Variants in ABLIM1 observed in about 807,000 individuals in gnomAD.
The protein encoded by ABLIM1 is actin binding LIM protein 1.
Under a neutral mutation model 107.0 loss-of-function variants are expected in ABLIM1, and 40 were observed. The ratio of observed to expected loss-of-function variants is 0.37; its 90% CI spans 0.29 to 0.49. ABLIM1 has a LOEUF of 0.49. Ranked by LOEUF, ABLIM1 falls within the 20% of genes least tolerant of loss-of-function variation. ABLIM1 has a pLI of 0.97. For missense variants in ABLIM1, 857 were observed against 1,008.5 expected, an observed-to-expected ratio of 0.85 and a Z score of 2.04; for synonymous variants, 357 against 357.3, an observed-to-expected ratio of 1.00 and a Z score of 0.01.
intron 2 of ABLIM1, among the ~76,000 whole-genome samples, chr10:114,601,069 C>T (rs1591515588): frequency 1.6e-5 from 1 of 63,850 alleles, no homozygotes; most frequent in East Asian, 2.4e-4. Context: ...CACACACACA[C>T]ACACACACAC....
At chr10:114,551,924 C>T (rs1447705389) in intron 4 of ABLIM1, among the ~76,000 whole-genome samples, 1 of 152,130 alleles carries the variant, frequency 6.6e-6, no homozygotes, top group East Asian at 1.9e-4. Flanking sequence ...GACAGCCACT[C>T]TACATGTTTT....
In ABLIM1 at chr10:114,524,678, A is replaced by T. The variant is rs1472229789; in HGVS notation, c.894+20327T>A. On this transcript the variant is annotated intron_variant, in intron 6 of 22. Coordinates refer to ENST00000533213, the MANE Select transcript of ABLIM1 (RefSeq NM_002313.7). ...TGGATCACTGTATAAGCTTCTTTTT[A>T]AAAAAAGACAAAATAGTATATCCCC... is the stretch of plus-strand genomic sequence containing the variant. 9.2e-5 allele frequency among the ~76,000 whole-genome samples: 14 copies of T among 152,214 alleles called. No individual in the cohort carries two copies. The East Asian group carries it at 9.6e-4, about 10-fold the overall frequency.
At chr10:114,653,674 G>A (rs894185634) in intron 1 of ABLIM1, among the ~76,000 whole-genome samples, 2 of 152,174 alleles carry the variant, frequency 1.3e-5, no homozygotes, top group African/African-American at 2.4e-5. Context: ...TGTTTCGTAC[G>A]TTTACTGATC....
rs148201354 is a variant in ABLIM1, at chr10:114,683,490, G to A, written c.64+800C>T. Among the ~76,000 whole-genome samples, 4 of 152,246 alleles carry A rather than the reference G, an allele frequency of 2.6e-5. No individual in the cohort carries two copies. The East Asian group carries it at 7.7e-4, about 29-fold the overall frequency. ...AAGTGTATACATGTGAAGTGTAGCA[G>A]ACCCGGCTCCCCAGTCCTACCAGTC... On this transcript the variant is annotated intron_variant, in intron 1 of 23. Coordinates refer to the ABLIM1 transcript ENST00000369256.
intron 6 of ABLIM1, among the ~76,000 whole-genome samples, chr10:114,527,826 G>A (rs999889854): frequency 7.1e-6 from 1 of 140,818 alleles, no homozygotes; most frequent in Admixed American, 7.5e-5. Flanking sequence ...CACCATGCCT[G>A]GCTAATTTTT....
At chr10:114,642,579 T>A (rs367827106) in intron 1 of ABLIM1, among the ~76,000 whole-genome samples, 2 of 152,156 alleles carry the variant, frequency 1.3e-5, no homozygotes, top group African/African-American at 2.4e-5. Context: ...AAGATTTTTT[T>A]AAATGTATAT....
At chr10:114,653,915 T>C (rs1015111338) in intron 1 of ABLIM1, among the ~76,000 whole-genome samples, 10 of 152,210 alleles carry the variant, frequency 6.6e-5, no homozygotes, top group African/African-American at 2.4e-4. Flanking sequence ...GTTTTGAGCT[T>C]TACAAAGGAC....
intron 4 of ABLIM1, among the ~76,000 whole-genome samples, chr10:114,556,873 A>T (rs931236287): frequency 6.6e-6 from 1 of 152,238 alleles, no homozygotes; most frequent in Non-Finnish European, 1.5e-5. Flanking sequence ...CATGGCAAAC[A>T]CCATGCGTAT....
intron 1 of ABLIM1, among the ~76,000 whole-genome samples, chr10:114,649,106 G>A (rs17719358): frequency 0.36 from 54,321 of 151,828 alleles, 10,015 homozygotes; most frequent in Non-Finnish European, 0.42. Context: ...TCCTACAAAA[G>A]TAAGGTGTTG....
rs2081456364 is a variant in ABLIM1 at position 114,707,862 on chromosome 10, T to C, written c.-213+60199A>G. On this transcript the variant is annotated intron_variant, in intron 1 of 15. Coordinates refer to the ABLIM1 transcript ENST00000651092. This position sits in a 1 kb window ranked among gnomAD's most constrained non-coding sequence, Gnocchi z 4.1. ...GTTGCAGTGAGCGGAGATTGCACCATTGCACTCTAGCCTGGGCGACAAGAG... is the reference window on the plus strand; with the variant it reads ...GTTGCAGTGAGCGGAGATTGCACCACTGCACTCTAGCCTGGGCGACAAGAG... Among the ~76,000 whole-genome samples the C allele has an allele frequency of 6.6e-6, 1 of 151,964 alleles. No individual in the cohort carries two copies. Among genetic ancestry groups the C allele is most frequent in the South Asian group, 2.1e-4 (1 of 4,806 alleles).
chr10:114,673,610 G>A (rs1388918288), intron 1 of ABLIM1, among the ~76,000 whole-genome samples: 3 of 152,162 alleles, frequency 2.0e-5, no homozygotes. Context: ...CCAGGCCTCC[G>A]CTTCAGTGTC....
At chr10:114,654,437 G>A (rs1190928367) in intron 1 of ABLIM1, among the ~76,000 whole-genome samples, 9 of 152,068 alleles carry the variant, frequency 5.9e-5, no homozygotes, top group Admixed American at 4.6e-4. Flanking sequence ...CAAACACTTT[G>A]ATATGCACGT....
chr10:114,436,460 A>G, intron 22 of ABLIM1, 87 bp from the exon 23 acceptor site: 1 of 982,516 alleles, frequency 1.0e-6, no homozygotes. Flanking sequence ...GTTTATACAG[A>G]GTCATTCTGA....
At chr10:114,753,118 C>CT (rs2082553913) in intron 1 of ABLIM1, among the ~76,000 whole-genome samples, 2 of 152,130 alleles carry the variant, frequency 1.3e-5, no homozygotes, top group Non-Finnish European at 2.9e-5. Flanking sequence ...AGTCAATATT[C>CT]TTTTTTCTCT....
intron 4 of ABLIM1, among the ~76,000 whole-genome samples, chr10:114,552,895 A>G (rs573309087): frequency 2.0e-5 from 3 of 152,284 alleles, no homozygotes; most frequent in Non-Finnish European, 4.4e-5. Flanking sequence ...CTTGGTTAGG[A>G]GCAGAGTTAG....
At chr10:114,617,854 T>C (rs921537881) in intron 1 of ABLIM1, among the ~76,000 whole-genome samples, 6 of 152,178 alleles carry the variant, frequency 3.9e-5, no homozygotes, top group Admixed American at 2.0e-4. Flanking sequence ...GTGGCTCACA[T>C]GTGTAATCCC....
chr10:114,669,364 C>G (rs2080158001), intron 1 of ABLIM1, among the ~76,000 whole-genome samples: 1 of 152,164 alleles, frequency 6.6e-6, no homozygotes. Context: ...TCCAGCCATC[C>G]TTGGATACCA....
chr10:114,535,413 C>T (rs374598802), intron 6 of ABLIM1, among the ~76,000 whole-genome samples: 179 of 152,210 alleles, frequency 1.2e-3, no homozygotes, highest in African/African-American at 3.9e-3. Flanking sequence ...CAGGTTCAAG[C>T]GATCCTCCTG....
At chr10:114,592,958 G>A (rs1256869369) in intron 2 of ABLIM1, among the ~76,000 whole-genome samples, 1 of 151,878 alleles carries the variant, frequency 6.6e-6, no homozygotes, top group African/African-American at 2.4e-5. Flanking sequence ...AGTCTGGAAT[G>A]CAGAGAAGTA....
Sources: allele counts gnomAD v4.1 joint callset (sites outside exome capture counted in the v4.1 genomes callset), GRCh38; gene constraint gnomAD v4.1.1; non-coding constraint Gnocchi (gnomAD v3.1); transcripts MANE v1.5; gene names NCBI Gene and HGNC (gene_info 2026-07-23, HGNC 2026-07-21).